DOCK1: variants seen among roughly 807,000 people sequenced by gnomAD.
DOCK1 encodes dedicator of cytokinesis 1, also known as dedicator of cytokinesis protein 1.
A neutral mutation model predicts 262.7 loss-of-function variants in DOCK1; 138 were observed. The ratio of observed to expected loss-of-function variants is 0.53; its 90% CI spans 0.46 to 0.61. The LOEUF (loss-of-function observed/expected upper bound fraction) is 0.61. DOCK1 is among the 20% of genes least tolerant of loss of function. DOCK1 has a pLI of 0.00. For missense variants in DOCK1, 1,908 were observed against 2,370.7 expected, an observed-to-expected ratio of 0.80 and a Z score of 4.05; for synonymous variants, 866 against 867.4, an observed-to-expected ratio of 1.00 and a Z score of 0.03.
intron 1 of DOCK1, among the ~76,000 whole-genome samples, chr10:126,937,658 T>G (rs957658610): frequency 5.3e-5 from 8 of 152,170 alleles, no homozygotes; most frequent in Non-Finnish European, 1.0e-4. Context: ...TGTATCTTTT[T>G]GGAGAAATGT....
chr10:127,348,679 G>GCTAT (rs1226187801), intron 31 of DOCK1, among the ~76,000 whole-genome samples: 1 of 151,990 alleles, frequency 6.6e-6, no homozygotes, highest in African/African-American at 2.4e-5. Flanking sequence ...TGTAATTATA[G>GCTAT]AAGTCTGCAG....
At chr10:127,301,672 G>A (rs1048594894) in intron 29 of DOCK1, among the ~76,000 whole-genome samples, 3 of 152,076 alleles carry the variant, frequency 2.0e-5, no homozygotes, top group African/African-American at 4.8e-5. Context: ...TTGGCTGCGC[G>A]CTGTGGCTCA....
intron 19 of DOCK1, among the ~76,000 whole-genome samples, chr10:127,039,498 A>G (rs2211198): frequency 0.79 from 120,101 of 152,130 alleles, 47,859 homozygotes; most frequent in South Asian, 0.86. Context: ...ATCCCTAGAC[A>G]TGGCCTTTAC....
intron 23 of DOCK1, among the ~76,000 whole-genome samples, chr10:127,102,865 A>G (rs542324885): frequency 9.9e-5 from 15 of 152,174 alleles, no homozygotes; most frequent in Non-Finnish European, 8.8e-5. Context: ...ATTTACATAC[A>G]GTAAAATTTA....
At chr10:127,301,945 CAAAAAAA>C (rs532284873) in intron 29 of DOCK1, among the ~76,000 whole-genome samples, 2 of 89,448 alleles carry the variant, frequency 2.2e-5, no homozygotes, top group Non-Finnish European at 4.8e-5. Context: ...GACTCCATCT[CAAAAAAA>C]AAAAAAAAGA....
intron 23 of DOCK1, among the ~76,000 whole-genome samples, chr10:127,074,471 G>C (rs1302973738): frequency 6.6e-6 from 1 of 152,130 alleles, no homozygotes; most frequent in East Asian, 1.9e-4. Context: ...ATTAGAAGCT[G>C]AACAGTATTA....
rs538508476 is a variant in DOCK1, at chr10:127,196,474, C to CT, written c.2848-51531dup. On this transcript the variant is annotated intron_variant, in intron 27 of 51. Coordinates refer to ENST00000623213, the MANE Select transcript of DOCK1 (RefSeq NM_001290223.2). ...CAGAGGAGGGAGCAGGAGGGAAGTC[C>CT]TTTCCGCTGCTCCAGGTCCCAGCTA... is the stretch of plus-strand genomic sequence containing the variant. Among the ~76,000 whole-genome samples the CT allele has an allele frequency of 2.5e-3, 375 of 148,464 alleles. 2 individuals are homozygous for CT. Among genetic ancestry groups the CT allele is most frequent in the Non-Finnish European group, 4.4e-3 (295 of 66,668 alleles).
At chr10:127,236,785 A>G (rs576704013) in intron 27 of DOCK1, among the ~76,000 whole-genome samples, 1 of 152,136 alleles carries the variant, frequency 6.6e-6, no homozygotes, top group East Asian at 1.9e-4. Context: ...CTTCATCACC[A>G]TCATCATCAC....
intron 1 of DOCK1, among the ~76,000 whole-genome samples, chr10:126,968,669 C>T (rs376006539): frequency 3.0e-4 from 46 of 152,244 alleles, no homozygotes; most frequent in South Asian, 1.9e-3. Context: ...ATTTTTCCCA[C>T]GTCTAGAACA....
chr10:127,004,434 A>T (rs1037455792), intron 10 of DOCK1, among the ~76,000 whole-genome samples: 1 of 152,076 alleles, frequency 6.6e-6, no homozygotes, highest in African/African-American at 2.4e-5. Flanking sequence ...GAATATGAGA[A>T]AAATCTTGCG....
At chr10:126,905,958 C>A (rs1251228953) in intron 1 of DOCK1, among the ~76,000 whole-genome samples, 2 of 152,158 alleles carry the variant, frequency 1.3e-5, no homozygotes. Context: ...GGGTCACTGT[C>A]TCGCGGCGGC....
At chr10:127,281,698 G>T (rs1447132911) in intron 29 of DOCK1, among the ~76,000 whole-genome samples, 1 of 152,160 alleles carries the variant, frequency 6.6e-6, no homozygotes, top group Non-Finnish European at 1.5e-5. Context: ...CAGAAGACAC[G>T]CAGGGTTGAT....
Position 127,057,317 on chromosome 10 carries a change from T to C in DOCK1, c.2337-4351T>C, listed in dbSNP as rs551584721. Among the ~76,000 whole-genome samples the C allele has an allele frequency of 5.3e-5, 8 of 152,338 alleles. No individual in the cohort carries two copies. The South Asian group carries it at 1.5e-3, about 28-fold the overall frequency. ...CTGGGATAAACTTTTGAGATCTTAT[T>C]TTTCTTTGGCTTTCAAAATGGTCTA... is the stretch of plus-strand genomic sequence containing the variant. On this transcript the variant is annotated intron_variant, in intron 22 of 51. Transcript: ENST00000623213.
intron 23 of DOCK1, among the ~76,000 whole-genome samples, chr10:127,079,307 A>G (rs533187433): frequency 6.6e-6 from 1 of 152,246 alleles, no homozygotes; most frequent in South Asian, 2.1e-4. Context: ...ATCCCACAGT[A>G]TTTTCTTGTT....
At chr10:127,391,037 G>T (rs1380085777) in intron 38 of DOCK1, among the ~76,000 whole-genome samples, 1 of 152,148 alleles carries the variant, frequency 6.6e-6, no homozygotes, top group Non-Finnish European at 1.5e-5. Context: ...TGTCCTGTGG[G>T]GCCTCACAGG....
intron 35 of DOCK1, among the ~76,000 whole-genome samples, chr10:127,379,564 A>G (rs113226773): frequency 0.013 from 1,987 of 152,314 alleles, 13 homozygotes; most frequent in Middle Eastern, 0.031. Context: ...AATGTTAGTT[A>G]AATTTACTTT....
intron 27 of DOCK1, among the ~76,000 whole-genome samples, chr10:127,206,136 C>CTT (rs34450374): frequency 0.057 from 4,491 of 79,028 alleles, 126 homozygotes; most frequent in African/African-American, 0.078. Context: ...TTCTTCTTCT[C>CTT]TTTTTTTTTT....
At chr10:127,269,856 T>C (rs1436192564) in intron 29 of DOCK1, among the ~76,000 whole-genome samples, 4 of 152,218 alleles carry the variant, frequency 2.6e-5, no homozygotes, top group Non-Finnish European at 5.9e-5. Context: ...CCACCACCCA[T>C]GCAGTCCTTG....
chr10:127,035,208 A>G (rs1190362625), intron 18 of DOCK1, among the ~76,000 whole-genome samples: 1 of 152,156 alleles, frequency 6.6e-6, no homozygotes, highest in East Asian at 1.9e-4. Flanking sequence ...TTTTTCTGAA[A>G]CCATGATTTG....
Sources: allele counts gnomAD v4.1 joint callset (sites outside exome capture counted in the v4.1 genomes callset), GRCh38; gene constraint gnomAD v4.1.1; transcripts MANE v1.5; gene names NCBI Gene and HGNC (gene_info 2026-07-23, HGNC 2026-07-21).